Variants in AMMECR1 observed in about 807,000 individuals in gnomAD.
AMMECR1 encodes the protein nuclear protein AMMECR1.
A neutral mutation model predicts 22.5 loss-of-function variants in AMMECR1; 3 were observed. That is an observed-to-expected ratio of 0.13 (90% CI 0.06 to 0.35). The LOEUF (loss-of-function observed/expected upper bound fraction) is 0.35. AMMECR1 is among the 10% of genes least tolerant of loss of function. The pLI, the probability that AMMECR1 is intolerant of heterozygous loss-of-function variation, is 1.00. For missense variants in AMMECR1, 235 were observed against 278.7 expected (o/e 0.84, Z 1.12); for synonymous variants, 130 against 116.7 (o/e 1.11, Z -0.74).
intron 2 of AMMECR1, among the ~76,000 whole-genome samples, chrX:110,335,041 G>C (rs1398436395): frequency 8.9e-6 from 1 of 111,891 alleles, no homozygotes; most frequent in Non-Finnish European, 1.9e-5. Context: ...GGAACACTTG[G>C]CCCAGCTTTG....
chrX:110,346,039 A>C (rs1178014117), intron 2 of AMMECR1, among the ~76,000 whole-genome samples: 1 of 112,241 alleles, frequency 8.9e-6, no homozygotes, highest in African/African-American at 3.2e-5. Context: ...TACATACCTT[A>C]CTAAGCAATT....
At chrX:110,377,529 C>T (rs2068385436) in intron 2 of AMMECR1, among the ~76,000 whole-genome samples, 1 of 111,830 alleles carries the variant, frequency 8.9e-6, no homozygotes, top group Non-Finnish European at 1.9e-5. Flanking sequence ...TTGTAAAAGG[C>T]TCGAACTATT....
At chrX:110,291,618 C>A (rs776482060) in intron 1 of AMMECR1, among the ~76,000 whole-genome samples, 27 of 111,730 alleles carry the variant, frequency 2.4e-4, no homozygotes, top group Non-Finnish European at 4.9e-4. Flanking sequence ...CATGCTAAAT[C>A]TGAAAGGGAC....
At chrX:110,362,842 C>T (rs754642774) in intron 2 of AMMECR1, among the ~76,000 whole-genome samples, 15 of 111,868 alleles carry the variant, frequency 1.3e-4, no homozygotes, top group South Asian at 1.1e-3. Flanking sequence ...ACATTCACTA[C>T]GTATGTGGTA....
chrX:110,268,181 G>A (rs1395557067), intron 1 of AMMECR1, among the ~76,000 whole-genome samples: 1 of 112,006 alleles, frequency 8.9e-6, no homozygotes, highest in Non-Finnish European at 1.9e-5. Context: ...TTCATAAGAC[G>A]TAGAGCAGAT....
At chrX:110,219,620 A>G (rs773954900) in intron 2 of AMMECR1, 2 of 748,336 alleles carry the variant, frequency 2.7e-6, no homozygotes, top group Non-Finnish European at 3.2e-6. Flanking sequence ...TAGGCTTAAA[A>G]AAAAAGAAGA....
intron 1 of AMMECR1, among the ~76,000 whole-genome samples, chrX:110,281,896 G>T (rs904722768): frequency 8.9e-6 from 1 of 112,399 alleles, no homozygotes; most frequent in Non-Finnish European, 1.9e-5. Context: ...GAAAACAGAG[G>T]TTGTCTTTTT....
chrX:110,221,563 T>C (rs2067500136), intron 2 of AMMECR1, among the ~76,000 whole-genome samples: 1 of 111,850 alleles, frequency 8.9e-6, no homozygotes, highest in Non-Finnish European at 1.9e-5. Context: ...GTAAGCTATA[T>C]GTACAGTGTT....
At chrX:110,332,251 G>A (rs752974892) in intron 2 of AMMECR1, among the ~76,000 whole-genome samples, 11 of 111,867 alleles carry the variant, frequency 9.8e-5, no homozygotes, top group Non-Finnish European at 1.9e-4. Context: ...CTAAAGAAAA[G>A]AGAATTTTAG....
intron 2 of AMMECR1, among the ~76,000 whole-genome samples, chrX:110,236,815 CCT>C (rs1352525973): frequency 8.9e-6 from 1 of 112,065 alleles, no homozygotes; most frequent in Non-Finnish European, 1.9e-5. Context: ...TGTGTCTTCC[CCT>C]GTTTTTATTT....
intron 1 of AMMECR1, among the ~76,000 whole-genome samples, chrX:110,302,243 A>C (rs747452117): frequency 9.0e-6 from 1 of 111,548 alleles, no homozygotes; most frequent in Non-Finnish European, 1.9e-5. Context: ...CCCTGGAAAA[A>C]ATTCTAGAAA....
chrX:110,274,505 G>A (rs974466398), intron 1 of AMMECR1, among the ~76,000 whole-genome samples: 3 of 111,261 alleles, frequency 2.7e-5, no homozygotes, highest in Non-Finnish European at 5.7e-5. Flanking sequence ...CTCATTCCTC[G>A]TAACACTGCC....
chrX:110,436,075 C>G (rs901903979), intron 1 of AMMECR1, among the ~76,000 whole-genome samples: 1 of 112,671 alleles, frequency 8.9e-6, no homozygotes, highest in Non-Finnish European at 1.9e-5. Flanking sequence ...CAAAATGGTT[C>G]TAAATGAAGA....
At chrX:110,214,475 C>T (rs73540290) in intron 3 of AMMECR1, among the ~76,000 whole-genome samples, 1,932 of 110,990 alleles carry the variant, frequency 0.017, 40 homozygotes, top group African/African-American at 0.06. Flanking sequence ...TTCTTAAGGG[C>T]TTTACATCCC....
At chrX:110,235,189 T>C (rs1490462675) in intron 2 of AMMECR1, among the ~76,000 whole-genome samples, 2 of 112,233 alleles carry the variant, frequency 1.8e-5, no homozygotes, top group Non-Finnish European at 1.9e-5. Flanking sequence ...CAGACACTTC[T>C]CAAAAGAAGA....
Position 110,294,889 on chromosome X carries a change from C to T in AMMECR1, c.473+22710G>A, listed in dbSNP as rs142972053. Among the ~76,000 whole-genome samples the T allele has an allele frequency of 4.7e-3, 519 of 110,525 alleles. 2 individuals are homozygous for T. Among genetic ancestry groups the T allele is most frequent in the Middle Eastern group, 0.014 (3 of 217 alleles). On this transcript the variant is annotated intron_variant, in intron 1 of 5. Coordinates refer to ENST00000262844, the MANE Select transcript of AMMECR1 (RefSeq NM_015365.3). ...GAAGTCTTGATGAGGGCAGGAACCA[C>T]ATCTCTTCTACCTTTGAATCTCCCA...
chrX:110,409,804 AG>A (rs2068629096), intron 2 of AMMECR1, among the ~76,000 whole-genome samples: 3 of 111,637 alleles, frequency 2.7e-5, no homozygotes, highest in South Asian at 7.6e-4. Context: ...CAAGAAGGGC[AG>A]GGGGCAGCAC....
intron 2 of AMMECR1, among the ~76,000 whole-genome samples, chrX:110,257,483 A>C (rs966655608): frequency 8.9e-6 from 1 of 111,987 alleles, no homozygotes. Context: ...TGACAAGATC[A>C]TTTTCCCCTT....
Position 110,198,410 on chromosome X carries a change from A to T in AMMECR1, c.*110T>A. The T allele has an allele frequency of 2.5e-6, 1 of 392,458 alleles. No individual in the cohort carries two copies. Among genetic ancestry groups the T allele is most frequent in the South Asian group, 1.0e-4 (1 of 9,781 alleles). The allele number at this position is 392,458 out of a possible 1,213,427, so 32.3% of individuals were successfully genotyped here. On this transcript the variant is annotated 3_prime_UTR_variant, in exon 6 of 6. Transcript: ENST00000262844. ...TCGAAGCTTCACCATGGCAACGGAA[A>T]CTATCATCATAAAATGGTACAGTAA...
Sources: allele counts gnomAD v4.1 joint callset (sites outside exome capture counted in the v4.1 genomes callset), GRCh38; gene constraint gnomAD v4.1.1; transcripts MANE v1.5; gene names NCBI Gene and HGNC (gene_info 2026-07-23, HGNC 2026-07-21).